Variants in NKAIN2 observed in about 807,000 individuals in gnomAD.
The protein encoded by NKAIN2 is sodium/potassium transporting ATPase interacting 2.
In NKAIN2, 14 loss-of-function variants were observed where a neutral mutation model predicts 32.6. The observed-to-expected ratio is 0.43, with a 90% CI of 0.28 to 0.67. The LOEUF (loss-of-function observed/expected upper bound fraction) is 0.67. NKAIN2 is among the 30% of genes least tolerant of loss of function. The probability of loss-of-function intolerance (pLI) is 0.17; values close to 1 mark genes in which losing one functional copy is unlikely to be tolerated. For missense variants in NKAIN2, 198 were observed against 258.3 expected (o/e 0.77, Z 1.60); for synonymous variants, 80 against 87.2 (o/e 0.92, Z 0.46).
At chr6:123,966,268 G>A (rs1264901005) in intron 1 of NKAIN2, among the ~76,000 whole-genome samples, 1 of 152,156 alleles carries the variant, frequency 6.6e-6, no homozygotes, top group East Asian at 1.9e-4. Flanking sequence ...AAACTCAGTT[G>A]CTTGCCATCT....
chr6:124,475,274 A>G (rs1440373552), intron 3 of NKAIN2, among the ~76,000 whole-genome samples: 2 of 152,152 alleles, frequency 1.3e-5, no homozygotes, highest in African/African-American at 4.8e-5. Flanking sequence ...AGTCATTTTT[A>G]GGACCAGGCA....
At position 123,843,334 on chromosome 6, in the gene NKAIN2, G is replaced by T. The variant is rs532329457; in HGVS notation, c.54+39080G>T. Among the ~76,000 whole-genome samples the T allele has an allele frequency of 5.3e-5, 8 of 152,222 alleles. No individual in the cohort carries two copies. The South Asian group carries it at 1.7e-3, about 32-fold the overall frequency. ...TTAATAGGATGGGGAGCTGGAAAGGGGATGGAGCAAGAAGATAATCTTCCC... is the reference window on the plus strand; with the variant it reads ...TTAATAGGATGGGGAGCTGGAAAGGTGATGGAGCAAGAAGATAATCTTCCC... On this transcript the variant is annotated intron_variant, in intron 1 of 6. Coordinates refer to ENST00000368417, the MANE Select transcript of NKAIN2 (RefSeq NM_001040214.3).
At chr6:123,851,092 C>G (rs1775323422) in intron 1 of NKAIN2, among the ~76,000 whole-genome samples, 1 of 151,938 alleles carries the variant, frequency 6.6e-6, no homozygotes, top group Non-Finnish European at 1.5e-5. Flanking sequence ...CAGTCATCAT[C>G]CATTGATGGA....
At chr6:124,283,326 G>A in intron 2 of NKAIN2, 184 bp downstream of exon 2, 1 of 499,856 alleles carries the variant, frequency 2.0e-6, no homozygotes, top group Non-Finnish European at 3.6e-6. Context: ...TCAGGTTTAA[G>A]GCACTTGATA....
intron 3 of NKAIN2, among the ~76,000 whole-genome samples, chr6:124,574,158 C>G (rs1035404523): frequency 3.3e-5 from 5 of 152,168 alleles, no homozygotes; most frequent in Non-Finnish European, 7.3e-5. Flanking sequence ...TGTTTTCTAT[C>G]TGGAGAGCCC....
At chr6:124,752,953 T>A (rs543664882) in intron 4 of NKAIN2, among the ~76,000 whole-genome samples, 1 of 152,220 alleles carries the variant, frequency 6.6e-6, no homozygotes, top group East Asian at 1.9e-4. Flanking sequence ...TTCTTCCCTC[T>A]CTTTCTTGTC....
At chr6:124,113,411 C>T (rs1785473506) in intron 1 of NKAIN2, among the ~76,000 whole-genome samples, 1 of 152,104 alleles carries the variant, frequency 6.6e-6, no homozygotes, top group Non-Finnish European at 1.5e-5. Flanking sequence ...CACAGATCAA[C>T]TCTTTCCTTT....
intron 1 of NKAIN2, among the ~76,000 whole-genome samples, chr6:124,082,137 G>C (rs1250138209): frequency 6.6e-6 from 1 of 152,082 alleles, no homozygotes; most frequent in East Asian, 1.9e-4. Context: ...CCATAGCATG[G>C]TGGTGGGCAA....
intron 4 of NKAIN2, among the ~76,000 whole-genome samples, chr6:124,672,598 G>T (rs141382132): frequency 6.6e-6 from 1 of 152,020 alleles, no homozygotes; most frequent in Non-Finnish European, 1.5e-5. Context: ...CAGTTAGATT[G>T]ATCATTCATG....
chr6:123,941,528 A>G (rs1448858045), intron 1 of NKAIN2, among the ~76,000 whole-genome samples: 4 of 151,880 alleles, frequency 2.6e-5, no homozygotes, highest in African/African-American at 9.7e-5. Flanking sequence ...GCCCCATTAT[A>G]ATCTTACGAG....
At chr6:123,893,512 T>A (rs1774119920) in intron 1 of NKAIN2, among the ~76,000 whole-genome samples, 2 of 152,180 alleles carry the variant, frequency 1.3e-5, no homozygotes, top group Non-Finnish European at 2.9e-5. Context: ...TAGCCTAATA[T>A]AGAATCTTAA....
intron 3 of NKAIN2, among the ~76,000 whole-genome samples, chr6:124,396,292 G>A (rs1002114486): frequency 6.6e-6 from 1 of 151,140 alleles, no homozygotes; most frequent in African/African-American, 2.4e-5. Flanking sequence ...ATATGAAAGG[G>A]GGAAAGATAA....
chr6:124,697,317 CAATT>C (rs1448548000), intron 4 of NKAIN2, among the ~76,000 whole-genome samples: 1 of 152,018 alleles, frequency 6.6e-6, no homozygotes, highest in Non-Finnish European at 1.5e-5. Context: ...TTGAAAAACA[CAATT>C]AAATTAATTA....
chr6:124,738,959 G>A (rs191470686), intron 4 of NKAIN2, among the ~76,000 whole-genome samples: 9 of 151,774 alleles, frequency 5.9e-5, no homozygotes, highest in Admixed American at 5.9e-4. Flanking sequence ...TTACCTCCAA[G>A]CTATGCTTTT....
intron 3 of NKAIN2, among the ~76,000 whole-genome samples, chr6:124,575,842 C>T (rs544949033): frequency 6.6e-6 from 1 of 152,090 alleles, no homozygotes; most frequent in Non-Finnish European, 1.5e-5. Context: ...GTCCCTGAGA[C>T]CTATTTAGGA....
At chr6:124,575,994 C>G (rs983853124) in intron 3 of NKAIN2, among the ~76,000 whole-genome samples, 14 of 152,164 alleles carry the variant, frequency 9.2e-5, no homozygotes, top group African/African-American at 3.4e-4. Context: ...GACAGTGGCA[C>G]TAAACTGAAC....
chr6:124,608,005 T>A (rs1470710019), intron 3 of NKAIN2, among the ~76,000 whole-genome samples: 2 of 152,136 alleles, frequency 1.3e-5, no homozygotes, highest in East Asian at 1.9e-4. Context: ...TCGAATGCAT[T>A]TTCAACTTAA....
chr6:124,267,479 T>C (rs921458627), intron 1 of NKAIN2, among the ~76,000 whole-genome samples: 4 of 109,620 alleles, frequency 3.6e-5, no homozygotes, highest in African/African-American at 1.8e-4. Flanking sequence ...AAACCATGTC[T>C]CTAAAAAAAA....
intron 1 of NKAIN2, among the ~76,000 whole-genome samples, chr6:123,927,294 C>T (rs1001914653): frequency 4.4e-4 from 67 of 152,160 alleles, no homozygotes; most frequent in African/African-American, 1.6e-3. Context: ...TCTCATGCTT[C>T]TAATTAATAT....
Sources: allele counts gnomAD v4.1 joint callset (sites outside exome capture counted in the v4.1 genomes callset), GRCh38; gene constraint gnomAD v4.1.1; transcripts MANE v1.5; gene names NCBI Gene and HGNC (gene_info 2026-07-23, HGNC 2026-07-21).